PARD3B: variants seen among roughly 807,000 people sequenced by gnomAD.
PARD3B encodes the protein partitioning defective 3 homolog B.
In PARD3B, 103 loss-of-function variants were observed where a neutral mutation model predicts 130.2. The observed-to-expected ratio is 0.79, with a 90% confidence interval of 0.67 to 0.93. PARD3B has a LOEUF of 0.93. Among genes scored for constraint, PARD3B ranks in the 40% least tolerant of loss-of-function variants. The probability of loss-of-function intolerance (pLI) is 0.00; values close to 1 mark genes in which losing one functional copy is unlikely to be tolerated. For synonymous variants in PARD3B, 583 were observed against 553.2 expected (o/e 1.05, Z -0.76); for missense variants, 1,609 against 1,499.2 (o/e 1.07, Z -1.21).
intron 2 of PARD3B, among the ~76,000 whole-genome samples, chr2:204,950,397 G>C (rs990816495): frequency 6.6e-6 from 1 of 152,152 alleles, no homozygotes; most frequent in East Asian, 1.9e-4. Flanking sequence ...TTAAAAAGTG[G>C]TGTGAGCCCA....
Position 205,292,248 on chromosome 2 carries a change from A to C in PARD3B, c.2186-8282A>C, listed in dbSNP as rs1049003337. On this transcript the variant is annotated intron_variant, in intron 16 of 22. Coordinates refer to ENST00000406610, the MANE Select transcript of PARD3B (RefSeq NM_001302769.2). This position sits in a 1 kb window ranked among gnomAD's most constrained non-coding sequence, Gnocchi z 5.3. The stretch of plus-strand genomic sequence containing the variant: ...TAGTAGAGCCCTCATGAATGGGATT[A>C]GTTTCCTTATAAAAAAAAGACTCAC... Among the ~76,000 whole-genome samples, 2 of 152,094 alleles carry C rather than the reference A, an allele frequency of 1.3e-5. No homozygotes were observed. Among genetic ancestry groups the C allele is most frequent in the Non-Finnish European group, 2.9e-5 (2 of 68,024 alleles).
intron 3 of PARD3B, among the ~76,000 whole-genome samples, chr2:205,016,234 G>A (rs79734849): frequency 6.6e-6 from 1 of 152,262 alleles, no homozygotes; most frequent in East Asian, 1.9e-4. Flanking sequence ...CTTACCTGCT[G>A]GGAACTGTAA....
chr2:205,317,943 G>A (rs1314503346), intron 18 of PARD3B, among the ~76,000 whole-genome samples: 1 of 152,034 alleles, frequency 6.6e-6, no homozygotes, highest in African/African-American at 2.4e-5. Context: ...AAATGTCTCA[G>A]CAGAGAATAA....
intron 3 of PARD3B, among the ~76,000 whole-genome samples, chr2:205,045,791 A>G (rs1193506309): frequency 6.6e-6 from 1 of 151,896 alleles, no homozygotes; most frequent in Non-Finnish European, 1.5e-5. Flanking sequence ...ACACACATAC[A>G]TATATATACA....
At chr2:204,750,597 CAT>C (rs2040422661) in intron 2 of PARD3B, among the ~76,000 whole-genome samples, 6 of 82,548 alleles carry the variant, frequency 7.3e-5, no homozygotes, top group African/African-American at 4.2e-4. Context: ...AAAATACACA[CAT>C]ACATACATAC....
At position 205,575,478 on chromosome 2, in the gene PARD3B, A is replaced by C. The variant is rs928149323; in HGVS notation, c.3260+22075A>C. On this transcript the variant is annotated intron_variant, in intron 22 of 22. Transcript: ENST00000406610. The surrounding 1 kb of genome is among the most constrained non-coding windows in gnomAD (Gnocchi z 4.6). Reference sequence around the variant, plus strand: ...AATGACATGTATGTATCATTATAGTATCATGCAAAGTGTTTTTACTGCCCT... The same window carrying C: ...AATGACATGTATGTATCATTATAGTCTCATGCAAAGTGTTTTTACTGCCCT... 1.3e-5 allele frequency among the ~76,000 whole-genome samples: 2 copies of C among 152,096 alleles called. No individual in the cohort carries two copies. The highest frequency in any genetic ancestry group is 4.8e-5 in the African/African-American group (2 of 41,430).
intron 2 of PARD3B, among the ~76,000 whole-genome samples, chr2:204,729,745 G>T (rs137987889): frequency 1.3e-4 from 19 of 151,594 alleles, no homozygotes; most frequent in African/African-American, 4.4e-4. Context: ...ATTTTTTATT[G>T]TTTTCATAGC....
At chr2:205,126,585 C>CA (rs139718789) in intron 10 of PARD3B, among the ~76,000 whole-genome samples, 38,233 of 144,360 alleles carry the variant, frequency 0.26, 5,130 homozygotes, top group Middle Eastern at 0.32. Flanking sequence ...ACTAAAAATA[C>CA]AAAAAAAAAA....
At position 204,954,311 on chromosome 2, in the gene PARD3B, A is replaced by G. The variant is rs180776979; in HGVS notation, c.223-10841A>G. On this transcript the variant is annotated intron_variant, in intron 2 of 22. Transcript: ENST00000406610. ...TCCATGACAAGGGAGGTCTGAGTCT[A>G]AATGGAATATTTAAGAGAAGTGCTT... Among the ~76,000 whole-genome samples the G allele has an allele frequency of 4.3e-4, 66 of 152,274 alleles. No individual in the cohort carries two copies. The East Asian group carries it at 7.2e-3, about 17-fold the overall frequency.
At chr2:204,821,466 C>G (rs1045872916) in intron 2 of PARD3B, among the ~76,000 whole-genome samples, 1 of 147,948 alleles carries the variant, frequency 6.8e-6, no homozygotes, top group East Asian at 2.0e-4. Flanking sequence ...AACCAAACAC[C>G]GCATATTCTC....
At position 205,287,955 on chromosome 2, in the gene PARD3B, T is replaced by C. The variant is rs1016685160; in HGVS notation, c.2186-12575T>C. On this transcript the variant is annotated intron_variant, in intron 16 of 22. Transcript: ENST00000406610. The surrounding 1 kb of genome is among the most constrained non-coding windows in gnomAD (Gnocchi z 4.8). Reference sequence around the variant, plus strand: ...CTGGCAAAGATTCCTCAGGCTGAGTTACTGGGAAACTCCAGTATGCTGTCA... The same window carrying C: ...CTGGCAAAGATTCCTCAGGCTGAGTCACTGGGAAACTCCAGTATGCTGTCA... Among the ~76,000 whole-genome samples, 1 of 152,190 alleles carries C rather than the reference T, an allele frequency of 6.6e-6. No homozygotes were observed. The highest frequency in any genetic ancestry group is 1.5e-5 in the Non-Finnish European group (1 of 68,030).
At chr2:205,240,909 G>A (rs2039323622) in intron 15 of PARD3B, among the ~76,000 whole-genome samples, 1 of 152,180 alleles carries the variant, frequency 6.6e-6, no homozygotes, top group African/African-American at 2.4e-5. Flanking sequence ...CTACTGGGAA[G>A]CCAATGTGTG....
chr2:204,933,266 A>G (rs1300593835), intron 2 of PARD3B, among the ~76,000 whole-genome samples: 2 of 152,198 alleles, frequency 1.3e-5, no homozygotes, highest in African/African-American at 2.4e-5. Context: ...GAAGAGTAGA[A>G]TATTAGCTGA....
At chr2:205,009,067 G>A (rs1015991829) in intron 3 of PARD3B, among the ~76,000 whole-genome samples, 3 of 152,142 alleles carry the variant, frequency 2.0e-5, no homozygotes, top group African/African-American at 7.2e-5. Context: ...TTTGCTAAAT[G>A]TATTTATATG....
chr2:205,300,621 G>T lies in PARD3B; in HGVS notation c.2277G>T (p.Lys759Asn). ...AGACTGCAGTGGCCGAGGTCAGGAA[G>T]AATGACCTTCCCTTTCACAGGCCCC... ...SLQTAVAEVR[K>N]NDLPFHRPRP... Residue 759 changes from lysine to asparagine, a missense_variant, in exon 17 of 23, where the codon AAG becomes AAT. Physicochemically the swap from Lys to Asn is moderately conservative, Grantham distance 94. Coordinates refer to ENST00000406610, the MANE Select transcript of PARD3B (RefSeq NM_001302769.2). The surrounding 1 kb of genome is among the most constrained non-coding windows in gnomAD (Gnocchi z 4.1). The T allele has an allele frequency of 6.2e-7, 1 of 1,613,924 alleles. No individual in the cohort carries two copies. The highest frequency in any genetic ancestry group is 8.5e-7 in the Non-Finnish European group (1 of 1,180,004).
At position 205,599,839 on chromosome 2, in the gene PARD3B, T is replaced by TA. The variant is rs202109775; in HGVS notation, c.3261-15616dup. 4.6e-4 allele frequency among the ~76,000 whole-genome samples: 70 copies of TA among 152,314 alleles called. No individual in the cohort carries two copies. The East Asian group carries it at 0.014, about 29-fold the overall frequency. ...TTGCACATGCCTGGGCTGCCCGACT[T>TA]ACAGTTTTGGCTCTATTTTACCTAC... On this transcript the variant is annotated intron_variant, in intron 22 of 22. Transcript: ENST00000406610.
intron 2 of PARD3B, among the ~76,000 whole-genome samples, chr2:204,826,469 G>A (rs1281245537): frequency 6.6e-6 from 1 of 151,794 alleles, no homozygotes. Context: ...TTTCCTAGGG[G>A]CAAAAAATGA....
At chr2:205,085,610 G>A (rs1559422762) in intron 4 of PARD3B, among the ~76,000 whole-genome samples, 1 of 151,650 alleles carries the variant, frequency 6.6e-6, no homozygotes, top group Non-Finnish European at 1.5e-5. Flanking sequence ...ATCATTCATT[G>A]CTTTTCCTTG....
intron 2 of PARD3B, among the ~76,000 whole-genome samples, chr2:204,706,982 T>C (rs1450358176): frequency 2.0e-5 from 3 of 152,216 alleles, no homozygotes; most frequent in Non-Finnish European, 4.4e-5. Context: ...ATTGTGGACC[T>C]GTGCAATTTG....
Sources: allele counts gnomAD v4.1 joint callset (sites outside exome capture counted in the v4.1 genomes callset), GRCh38; gene constraint gnomAD v4.1.1; non-coding constraint Gnocchi (gnomAD v3.1); transcripts MANE v1.5; gene names NCBI Gene and HGNC (gene_info 2026-07-23, HGNC 2026-07-21).